TMEM183A: variants seen among roughly 807,000 people sequenced by gnomAD.
TMEM183A encodes the protein chromosome 1 open reading frame 37.
In TMEM183A, 21 loss-of-function variants were observed where a neutral mutation model predicts 46.7. The ratio of observed to expected loss-of-function variants is 0.45; its 90% CI spans 0.32 to 0.65. TMEM183A has a LOEUF of 0.65. TMEM183A is among the 30% of genes least tolerant of loss of function. The pLI, the probability that TMEM183A is intolerant of heterozygous loss-of-function variation, is 0.04. For missense variants in TMEM183A, 331 were observed against 481.9 expected, an observed-to-expected ratio of 0.69 and a Z score of 2.93; for synonymous variants, 165 against 180.2, an observed-to-expected ratio of 0.92 and a Z score of 0.68.
At chr1:203,010,048 C>T (rs780902030) in intron 3 of TMEM183A, among the ~76,000 whole-genome samples, 1 of 151,588 alleles carries the variant, frequency 6.6e-6, no homozygotes, top group African/African-American at 2.4e-5. Flanking sequence ...GCAGGAGAAT[C>T]GCTTGAACCT....
intron 5 of TMEM183A, among the ~76,000 whole-genome samples, chr1:203,017,065 C>A (rs552410999): frequency 1.3e-5 from 2 of 152,086 alleles, no homozygotes; most frequent in African/African-American, 4.8e-5. Context: ...CTTTTGATTT[C>A]GAGATTATCG....
At position 203,014,880 on chromosome 1, in the gene TMEM183A, T is replaced by C. The variant is rs200828455; in HGVS notation, c.368-9T>C. On this transcript the variant is annotated splice_polypyrimidine_tract_variant and intron_variant, in intron 3 of 7. Transcript: ENST00000367242. ...AGAAGATCAGAGATTATTCTTTTTT[T>C]TGTTTCAGAAGAACTGGACGGGGCT... The C allele has an allele frequency of 2.9e-5, 46 of 1,613,376 alleles. No individual in the cohort carries two copies. Among genetic ancestry groups the C allele is most frequent in the Non-Finnish European group, 3.7e-5 (44 of 1,179,660 alleles).
intron 3 of TMEM183A, among the ~76,000 whole-genome samples, chr1:203,012,807 G>A (rs932988930): frequency 6.6e-6 from 1 of 152,144 alleles, no homozygotes; most frequent in Non-Finnish European, 1.5e-5. Flanking sequence ...ATGGCTCACC[G>A]CAGCCTCGAC....
intron 5 of TMEM183A, 36 bp downstream of exon 5, chr1:203,016,176 AC>A: frequency 6.2e-7 from 1 of 1,613,106 alleles, no homozygotes; most frequent in Non-Finnish European, 8.5e-7. Context: ...TGACTAATGA[AC>A]TCTTGTATGG....
chr1:203,020,007 GGGT>G (rs1657515278), intron 6 of TMEM183A, among the ~76,000 whole-genome samples: 1 of 151,184 alleles, frequency 6.6e-6, no homozygotes, highest in African/African-American at 2.5e-5. Context: ...GAATGGGGTG[GGGT>G]GGGGGGTGCG....
chr1:203,014,779 A>G lies in TMEM183A; in HGVS notation c.368-110A>G. 6 of 1,460,756 alleles carry G rather than the reference A, an allele frequency of 4.1e-6. No homozygotes were observed. In the South Asian group the frequency reaches 4.2e-5, roughly 10 times the overall value. 90.5% of individuals were successfully genotyped at this position (1,460,756 alleles called of 1,614,324 possible). On this transcript the variant is annotated intron_variant, in intron 3 of 7. Transcript: ENST00000367242. ...AAGTTTGAGGGGTTTCCTTGGACCT[A>G]TTTAAAACCATTTTCTTAACTGTGC...
At chr1:203,007,987 CT>C in intron 2 of TMEM183A, 124 bp downstream of exon 2, 1 of 1,198,620 alleles carries the variant, frequency 8.3e-7, no homozygotes, top group Non-Finnish European at 1.2e-6. Flanking sequence ...TTAGTGTTAA[CT>C]TACATATTGG....
chr1:203,018,505 A>G lies in TMEM183A; in HGVS notation c.733A>G (p.Ile245Val). The change falls in exon 6 of 8, where the codon ATT becomes GTT. Residue 245 changes from isoleucine (I) to valine (V), a missense_variant. This residue lies in a region of TMEM183A where 233 missense variants were observed against 385.8 expected (regional missense o/e 0.60). Coordinates refer to ENST00000367242, the MANE Select transcript of TMEM183A (RefSeq NM_138391.6). ...SKCLLFWCRKIVGNRQEPMWE... is the reference protein window; with the variant it reads ...SKCLLFWCRKVVGNRQEPMWE... Reference sequence around the variant, plus strand: ...GTGCTTACTTTTCTGGTGCAGAAAGATTGTTGGGAACAGACAGGAACCAAT... The same window carrying G: ...GTGCTTACTTTTCTGGTGCAGAAAGGTTGTTGGGAACAGACAGGAACCAAT... 1.2e-6 allele frequency: 2 copies of G among 1,612,638 alleles called. No homozygotes were observed. The highest frequency in any genetic ancestry group is 1.7e-6 in the Non-Finnish European group (2 of 1,179,898).
chr1:203,008,902 G>GTAGC, intron 3 of TMEM183A, 92 bp downstream of exon 3: 1 of 1,357,060 alleles, frequency 7.4e-7, no homozygotes, highest in Admixed American at 3.2e-5. Flanking sequence ...GGAGATATAA[G>GTAGC]ACGTGATACC....
chr1:203,020,020 G>A (rs1331160119), intron 6 of TMEM183A, among the ~76,000 whole-genome samples: 3 of 149,042 alleles, frequency 2.0e-5, no homozygotes, highest in Admixed American at 6.8e-5. Context: ...TGGGGGGTGC[G>A]GGGATGGGGT....
intron 3 of TMEM183A, 89 bp downstream of exon 3, chr1:203,008,899 T>C (rs1384380213): frequency 7.4e-6 from 10 of 1,356,694 alleles, no homozygotes; most frequent in Non-Finnish European, 9.7e-6. Flanking sequence ...GGAGGAGATA[T>C]AAGACGTGAT....
chr1:203,022,138 G>A (rs1657757224), intron 7 of TMEM183A, among the ~76,000 whole-genome samples: 2 of 151,828 alleles, frequency 1.3e-5, no homozygotes, highest in Admixed American at 6.6e-5. Flanking sequence ...GCGCAGTCTC[G>A]GCTCCCTGCA....
intron 3 of TMEM183A, 88 bp downstream of exon 3, chr1:203,008,898 A>G (rs1656273729): frequency 1.5e-6 from 2 of 1,356,608 alleles, no homozygotes; most frequent in Non-Finnish European, 1.9e-6. Context: ...AGGAGGAGAT[A>G]TAAGACGTGA....
rs372799828 is a variant in TMEM183A at position 203,023,957 on chromosome 1, A to G, written c.*917A>G. The G allele has an allele frequency of 2.7e-4, 41 of 152,332 alleles. No homozygotes were observed. Among genetic ancestry groups the G allele is most frequent in the African/African-American group, 9.6e-4 (40 of 41,586 alleles). 9.4% of individuals were successfully genotyped at this position (152,332 alleles called of 1,614,324 possible). ...TAAAAAATTGATTGTGGTATATGTT[A>G]TTCTAATCAGCCAAAAAAGTTTAGA... On this transcript the variant is annotated 3_prime_UTR_variant, in exon 8 of 8. Coordinates refer to ENST00000367242, the MANE Select transcript of TMEM183A (RefSeq NM_138391.6).
chr1:203,010,030 A>AG, intron 3 of TMEM183A, among the ~76,000 whole-genome samples: 1 of 151,980 alleles, frequency 6.6e-6, no homozygotes, highest in South Asian at 2.1e-4. Flanking sequence ...GCTACCAGGG[A>AG]GGCTGAGGCA....
At position 203,007,848 on chromosome 1, in the gene TMEM183A, G is replaced by A; in HGVS notation, c.184G>A (p.Ala62Thr). The A allele has an allele frequency of 1.2e-6, 2 of 1,614,110 alleles. No homozygotes were observed. Among genetic ancestry groups the A allele is most frequent in the South Asian group, 2.2e-5 (2 of 91,090 alleles). Reference sequence around the variant, plus strand: ...ACGAGTCAAGAAAGCCGTAGCCAACGCTGTTCAGCAGGAAGGTAAGCTTTG... The same window carrying A: ...ACGAGTCAAGAAAGCCGTAGCCAACACTGTTCAGCAGGAAGGTAAGCTTTG... ...SGRVKKAVAN[A>T]VQQEVKSLCG... Residue 62 changes from alanine to threonine, a missense_variant, in exon 2 of 8, where the codon GCT (alanine) becomes ACT (threonine). By Grantham distance (58) the Ala-to-Thr change is moderately conservative. Coordinates refer to ENST00000367242, the MANE Select transcript of TMEM183A (RefSeq NM_138391.6).
At chr1:203,019,242 C>T (rs112934686) in intron 6 of TMEM183A, among the ~76,000 whole-genome samples, 10 of 152,190 alleles carry the variant, frequency 6.6e-5, no homozygotes, top group African/African-American at 2.2e-4. Context: ...TGGCCCCAAG[C>T]GTTTTGGATA....
intron 3 of TMEM183A, 34 bp downstream of exon 3, chr1:203,008,844 C>T (rs1317457344): frequency 6.5e-7 from 1 of 1,539,092 alleles, no homozygotes; most frequent in Non-Finnish European, 8.8e-7. Flanking sequence ...TTTATTAGAC[C>T]TGCCTGTGGT....
intron 7 of TMEM183A, 34 bp downstream of exon 7, chr1:203,020,982 C>CT (rs71142585): frequency 0.07 from 85,537 of 1,215,754 alleles, 101 homozygotes; most frequent in Non-Finnish European, 0.078. Flanking sequence ...TTCTCAGCTC[C>CT]TTTTTTTTTT....
Sources: allele counts gnomAD v4.1 joint callset (sites outside exome capture counted in the v4.1 genomes callset), GRCh38; gene constraint gnomAD v4.1.1; regional missense constraint gnomAD v4.1.1; transcripts MANE v1.5; gene names NCBI Gene and HGNC (gene_info 2026-07-23, HGNC 2026-07-21).